Variants in ATP13A1 observed in about 807,000 individuals in gnomAD.
ATP13A1 encodes the protein ATPase 13A1.
In ATP13A1, 55 loss-of-function variants were observed where a neutral mutation model predicts 134.8. That is an observed-to-expected ratio of 0.41 (90% confidence interval 0.33 to 0.51). The LOEUF is 0.51. Among genes scored for constraint, ATP13A1 ranks in the 20% least tolerant of loss-of-function variants. ATP13A1 has a pLI of 0.29. For synonymous variants in ATP13A1, 775 were observed against 725.1 expected, an observed-to-expected ratio of 1.07 and a Z score of -1.10; for missense variants, 1,389 against 1,652.8, an observed-to-expected ratio of 0.84 and a Z score of 2.77.
At position 19,647,766 on chromosome 19, in the gene ATP13A1, G is replaced by T. The variant is rs564480684; in HGVS notation, c.2633-7C>A. 6.3e-7 allele frequency: 1 copy of T among 1,588,260 alleles called. No individual in the cohort carries two copies. The highest frequency in any genetic ancestry group is 1.1e-5 in the South Asian group (1 of 88,906). ...TTGGCCAAGAGCGCCACACCTGGGG[G>T]GCAGGAGGGTGTCAGACCCGGAGGA... is the stretch of plus-strand genomic sequence containing the variant. On this transcript the variant is annotated splice_region_variant and splice_polypyrimidine_tract_variant and intron_variant, in intron 19 of 25. Transcript: ENST00000357324. The surrounding 1 kb of genome is among the most constrained non-coding windows in gnomAD (Gnocchi z 4.8).
In ATP13A1 at chr19:19,649,759, A is replaced by G. The variant is rs752240267; in HGVS notation, c.2517T>C (p.Arg839=). 3 of 1,599,926 alleles carry G rather than the reference A, an allele frequency of 1.9e-6. No homozygotes were observed. Among genetic ancestry groups the G allele is most frequent in the African/African-American group, 2.7e-5 (2 of 74,644 alleles). Residue 839 remains arginine (R), a synonymous_variant, in exon 18 of 26, where the codon CGT becomes CGC. Coordinates refer to ENST00000357324, the MANE Select transcript of ATP13A1 (RefSeq NM_020410.3). Reference sequence around the variant, plus strand: ...CACATACCTTCTGCTTGGGAGCCACACGGGCGAACACCTGCACATGGGGGA... The same window carrying G: ...CACATACCTTCTGCTTGGGAGCCACGCGGGCGAACACCTGCACATGGGGGA... ...RLIPHVQVFA[R]VAPKQKEFVI...
chr19:19,647,245 T>C lies in ATP13A1; in HGVS notation c.2989A>G (p.Ile997Val). The C allele has an allele frequency of 6.2e-7, 1 of 1,613,874 alleles. No individual in the cohort carries two copies. The highest frequency in any genetic ancestry group is 8.5e-7 in the Non-Finnish European group (1 of 1,179,850). Reference protein sequence around the residue: ...MFKILALNALILAYSQSVLYL... With the variant: ...MFKILALNALVLAYSQSVLYL... ...AGGACGCTCTGGCTGTAGGCCAGGATGAGGGCATTGAGCGCCAGGATCTTG... is the reference window on the plus strand; with the variant it reads ...AGGACGCTCTGGCTGTAGGCCAGGACGAGGGCATTGAGCGCCAGGATCTTG... Residue 997 changes from isoleucine to valine, a missense_variant, in exon 22 of 26, where the codon ATC becomes GTC. Ile to Val is a conservative substitution (Grantham distance 29, BLOSUM62 3). Coordinates refer to ENST00000357324, the MANE Select transcript of ATP13A1 (RefSeq NM_020410.3). This position sits in a 1 kb window ranked among gnomAD's most constrained non-coding sequence, Gnocchi z 4.8.
rs780162274 is a variant in ATP13A1, at chr19:19,654,524, T to C, written c.1813+19A>G. 6.3e-7 allele frequency: 1 copy of C among 1,586,574 alleles called. No individual in the cohort carries two copies. The highest frequency in any genetic ancestry group is 8.6e-7 in the Non-Finnish European group (1 of 1,167,720). On this transcript the variant is annotated intron_variant, in intron 13 of 25. Transcript: ENST00000357324. ...GCCAGTGGCTCCCCCTTGCTGGGCC[T>C]GAGGCCCCAGCCCCTCACCTTTGGT...
chr19:19,657,021 C>T lies in ATP13A1; in HGVS notation c.879G>A (p.Lys293=). Residue 293 remains lysine, a synonymous_variant, in exon 5 of 26, where the codon AAG becomes AAA. Coordinates refer to ENST00000357324, the MANE Select transcript of ATP13A1 (RefSeq NM_020410.3). ...GGATCATGTGGGGCTTGTTGCCCAT[C>T]TTCCGGATCTCCGACATGTTCCGCA... is the stretch of plus-strand genomic sequence containing the variant. ...QQMRNMSEIR[K]MGNKPHMIQV... is the part of the protein sequence containing the mutation. 1 of 1,582,106 alleles carries T rather than the reference C, an allele frequency of 6.3e-7. No individual in the cohort carries two copies. The highest frequency in any genetic ancestry group is 8.6e-7 in the Non-Finnish European group (1 of 1,163,964).
rs775469369 is a variant in ATP13A1, at chr19:19,653,425, C to A, written c.2100+359G>T. ...AACGAGAGCCCAGGAAGAAGCCAAGCGGCAGATGTGCCGGTGGTGGAGGCG... is the reference window on the plus strand; with the variant it reads ...AACGAGAGCCCAGGAAGAAGCCAAGAGGCAGATGTGCCGGTGGTGGAGGCG... On this transcript the variant is annotated intron_variant, in intron 15 of 25. Transcript: ENST00000357324. This position sits in a 1 kb window ranked among gnomAD's most constrained non-coding sequence, Gnocchi z 4.2. 27 of 321,304 alleles carry A rather than the reference C, an allele frequency of 8.4e-5. No individual in the cohort carries two copies. The highest frequency in any genetic ancestry group is 1.5e-4 in the Non-Finnish European group (25 of 171,560). The allele number at this position is 321,304 out of a possible 1,614,324, so 19.9% of individuals were successfully genotyped here. A position where few individuals can be genotyped will look rare whatever the true frequency, so the allele number is the denominator to read the frequency against.
At position 19,647,206 on chromosome 19, in the gene ATP13A1, C is replaced by T. The variant is rs2061991907; in HGVS notation, c.3028G>A (p.Val1010Ile). 6.2e-7 allele frequency: 1 copy of T among 1,613,832 alleles called. No homozygotes were observed. The highest frequency in any genetic ancestry group is 8.5e-7 in the Non-Finnish European group (1 of 1,179,890). ...YSQSVLYLEG[V>I]KFSDFQATLQ... ...GTGGCCTGGAAGTCACTGAACTTGA[C>T]TCCCTCCAGGTAGAGGACGCTCTGG... The change falls in exon 22 of 26, where the codon GTC becomes ATC. Residue 1010 changes from valine to isoleucine, a missense_variant. By Grantham distance (29) the Val-to-Ile change is conservative (BLOSUM62 3). Transcript: ENST00000357324. This position sits in a 1 kb window ranked among gnomAD's most constrained non-coding sequence, Gnocchi z 4.8.
chr19:19,650,818 T>C (rs1234523012), intron 17 of ATP13A1: 1 of 152,394 alleles, frequency 6.6e-6, no homozygotes, highest in East Asian at 1.9e-4. Context: ...CATGTGGTTC[T>C]TCTTAGGGCC....
intron 17 of ATP13A1, chr19:19,651,391 G>C: frequency 3.8e-6 from 1 of 261,744 alleles, no homozygotes; most frequent in Non-Finnish European, 7.3e-6. Context: ...AGGATGGGGA[G>C]TAAGCGTGGT....
At chr19:19,663,122 C>T in intron 1 of ATP13A1, 149 bp downstream of exon 1, 3 of 1,200,478 alleles carry the variant, frequency 2.5e-6, no homozygotes, top group Non-Finnish European at 3.6e-6. Flanking sequence ...ATGATTAAGC[C>T]TGCGCCAAAG....
chr19:19,656,416 C>T lies in ATP13A1; in HGVS notation c.1084-233G>A, dbSNP rs1362535477. Among the ~76,000 whole-genome samples the T allele has an allele frequency of 1.3e-5, 2 of 152,140 alleles. No homozygotes were observed. Among genetic ancestry groups the T allele is most frequent in the South Asian group, 2.1e-4 (1 of 4,834 alleles). ...ACTTGGCCTCGTCTGGGACTCACCC[C>T]TCTGGACTGCTCCCAGCCCACCTTG... On this transcript the variant is annotated intron_variant, in intron 7 of 25. Coordinates refer to ENST00000357324, the MANE Select transcript of ATP13A1 (RefSeq NM_020410.3). The surrounding 1 kb of genome is among the most constrained non-coding windows in gnomAD (Gnocchi z 4.6).
Position 19,656,547 on chromosome 19 carries a change from C to T in ATP13A1, c.1083+113G>A. 1.7e-6 allele frequency: 2 copies of T among 1,178,406 alleles called. No individual in the cohort carries two copies. The highest frequency in any genetic ancestry group is 2.4e-6 in the Non-Finnish European group (2 of 831,400). 73.0% of individuals were successfully genotyped at this position (1,178,406 alleles called of 1,614,324 possible). A position where few individuals can be genotyped will look rare whatever the true frequency, so the allele number is the denominator to read the frequency against. On this transcript the variant is annotated intron_variant, in intron 7 of 25. Transcript: ENST00000357324. This position sits in a 1 kb window ranked among gnomAD's most constrained non-coding sequence, Gnocchi z 4.6. Reference sequence around the variant, plus strand: ...CCAGTCCACAGAGCTCATCTGTGCCCACACTGCCTCCTCCGCCTGTGCCTG... The same window carrying T: ...CCAGTCCACAGAGCTCATCTGTGCCTACACTGCCTCCTCCGCCTGTGCCTG...
chr19:19,651,588 C>T, intron 17 of ATP13A1, 101 bp downstream of exon 17: 2 of 856,862 alleles, frequency 2.3e-6, no homozygotes, highest in Middle Eastern at 3.5e-4. Flanking sequence ...TTTGAAGACA[C>T]TGTGCTGCTG....
At chr19:19,651,327 C>T (rs1463669383) in intron 17 of ATP13A1, 2 of 170,764 alleles carry the variant, frequency 1.2e-5, no homozygotes, top group East Asian at 1.5e-4. Context: ...AGGGAGCACT[C>T]GGTACATGGG....
chr19:19,659,322 G>C (rs941036114), intron 3 of ATP13A1, among the ~76,000 whole-genome samples: 5 of 152,254 alleles, frequency 3.3e-5, no homozygotes, highest in Admixed American at 1.3e-4. Context: ...CAGGCGTGGT[G>C]GGGGGAGCCT....
Position 19,646,246 on chromosome 19 carries a change from A to G in ATP13A1, c.3207T>C (p.Leu1069=), listed in dbSNP as rs773781826. Reference sequence around the variant, plus strand: ...CCTGGGCCTCACGGTACAGGTAGACAAGGCTCAGGAAGTGCACAAAGAACT... The same window carrying G: ...CCTGGGCCTCACGGTACAGGTAGACGAGGCTCAGGAAGTGCACAAAGAACT... ...MLQFFVHFLS[L]VYLYREAQAR... The change falls in exon 23 of 26, where the codon CTT becomes CTC. Residue 1069 remains leucine, a synonymous_variant. Coordinates refer to ENST00000357324, the MANE Select transcript of ATP13A1 (RefSeq NM_020410.3). The G allele has an allele frequency of 2.5e-6, 4 of 1,613,790 alleles. No individual in the cohort carries two copies. The highest frequency in any genetic ancestry group is 2.5e-6 in the Non-Finnish European group (3 of 1,179,864).
rs141333363 is a variant in ATP13A1 at position 19,661,028 on chromosome 19, G to A, written c.397-1041C>T. ...TGGGAGGCGGAGGTTGCAGTGAGCC[G>A]AGATTGTGCCACTGCACTCCAGCCT... On this transcript the variant is annotated intron_variant, in intron 1 of 25. Transcript: ENST00000357324. Among the ~76,000 whole-genome samples the A allele has an allele frequency of 1.7e-3, 262 of 152,044 alleles. 1 individual carries two copies. The highest frequency in any genetic ancestry group is 3.0e-3 in the Non-Finnish European group (201 of 67,998).
chr19:19,656,759 G>A lies in ATP13A1; in HGVS notation c.984C>T (p.Ser328=), dbSNP rs751142664. Residue 328 remains serine, a synonymous_variant, in exon 7 of 26, where the codon TCC becomes TCT. Transcript: ENST00000357324. The surrounding 1 kb of genome is among the most constrained non-coding windows in gnomAD (Gnocchi z 4.6). ...VPGDIVSIGR[S]PQENLVPCDV... ...CACATGGCACCAGGTTCTCCTGTGGGGAGCGGCCTGCAGGGCAGAGGCAGG... is the reference window on the plus strand; with the variant it reads ...CACATGGCACCAGGTTCTCCTGTGGAGAGCGGCCTGCAGGGCAGAGGCAGG... 3 of 1,613,604 alleles carry A rather than the reference G, an allele frequency of 1.9e-6. No individual in the cohort carries two copies. The highest frequency in any genetic ancestry group is 2.5e-6 in the Non-Finnish European group (3 of 1,179,826).
In ATP13A1 at chr19:19,655,879, T is replaced by TGGGCG; in HGVS notation, c.1267_1268insCGCCC (p.Gln423ProfsTer17). ...CCCTCCCCAGACCTGGCCCCGCACCTGGGATGTGTTGAATCCGGTCCGCAG... is the reference window on the plus strand; with the variant it reads ...CCCTCCCCAGACCTGGCCCCGCACCTGGGCGGGGATGTGTTGAATCCGGTCCGCAG... On this transcript the variant is annotated frameshift_variant and splice_region_variant, in exon 9 of 26. Coordinates refer to ENST00000357324, the MANE Select transcript of ATP13A1 (RefSeq NM_020410.3). LOFTEE classifies it high-confidence loss of function. The surrounding 1 kb of genome is among the most constrained non-coding windows in gnomAD (Gnocchi z 5.7). 6.3e-7 allele frequency: 1 copy of TGGGCG among 1,585,176 alleles called. No individual in the cohort carries two copies. Among genetic ancestry groups the TGGGCG allele is most frequent in the Non-Finnish European group, 8.5e-7 (1 of 1,171,096 alleles).
At chr19:19,650,029 G>C in intron 17 of ATP13A1, 89 bp from the exon 18 acceptor site, 1 of 1,252,374 alleles carries the variant, frequency 8.0e-7, no homozygotes, top group Non-Finnish European at 1.1e-6. Context: ...GCACCAGCCA[G>C]TCTCTCCTCT....
Sources: gnomAD v4.1 joint callset for allele counts (sites outside exome capture counted in the v4.1 genomes callset) on GRCh38, gnomAD v4.1.1 for gene constraint, Gnocchi (gnomAD v3.1) non-coding constraint, MANE v1.5 for transcripts, NCBI Gene and HGNC (gene_info 2026-07-23, HGNC 2026-07-21) for gene names.